PPP1R17: variants seen among roughly 807,000 people sequenced by gnomAD.
The protein encoded by PPP1R17 is G-substrate.
A neutral mutation model predicts 15.9 loss-of-function variants in PPP1R17; 12 were observed. That is an observed-to-expected ratio of 0.75 (90% CI 0.48 to 1.22). The LOEUF (loss-of-function observed/expected upper bound fraction) is 1.22, where lower values mean the gene tolerates loss of function less well. Among genes scored for constraint, PPP1R17 ranks in the 50% most tolerant of loss-of-function variants. The pLI is 0.00. For missense variants in PPP1R17, 211 were observed against 187.3 expected (o/e 1.13, Z -0.74); for synonymous variants, 63 against 64.5 (o/e 0.98, Z 0.11).
intron 4 of PPP1R17, among the ~76,000 whole-genome samples, chr7:31,705,147 A>C (rs1046861644): frequency 2.0e-5 from 3 of 152,200 alleles, no homozygotes; most frequent in African/African-American, 7.2e-5. Flanking sequence ...TACTTTGAGA[A>C]GGGCTGGCTG....
chr7:31,701,813 A>T (rs1384775952), intron 4 of PPP1R17, among the ~76,000 whole-genome samples: 5 of 152,232 alleles, frequency 3.3e-5, no homozygotes, highest in African/African-American at 9.6e-5. Flanking sequence ...TTTAGCAATA[A>T]AGTATTTTTA....
chr7:31,696,447 T>G (rs1001937605), intron 3 of PPP1R17, among the ~76,000 whole-genome samples: 1 of 152,204 alleles, frequency 6.6e-6, no homozygotes, highest in Non-Finnish European at 1.5e-5. Context: ...GTGGAAAATT[T>G]TATGCAAGAG....
intron 4 of PPP1R17, among the ~76,000 whole-genome samples, chr7:31,704,854 A>G (rs1335128500): frequency 1.3e-5 from 2 of 152,156 alleles, no homozygotes; most frequent in Non-Finnish European, 2.9e-5. Context: ...TTCCCCTGAA[A>G]GCATGAGGGT....
At position 31,695,485 on chromosome 7, in the gene PPP1R17, G is replaced by C. The variant is rs1562697793; in HGVS notation, c.99G>C (p.Gln33His). 1 of 1,608,952 alleles carries C rather than the reference G, an allele frequency of 6.2e-7. No homozygotes were observed. The highest frequency in any genetic ancestry group is 8.5e-7 in the Non-Finnish European group (1 of 1,178,442). The change falls in exon 3 of 5, where the codon CAG becomes CAC. Residue 33 changes from glutamine to histidine, a missense_variant. Gln to His is a conservative substitution (Grantham distance 24). Transcript: ENST00000342032. ...CAAAATTAGATGATCTTTCAGACCA[G>C]TTCATTAAGGACTGTGATCTCAAAA... ...RCSHLDDLSD[Q>H]FIKDCDLKKK...
chr7:31,689,128 C>T (rs1311910348), intron 1 of PPP1R17, among the ~76,000 whole-genome samples: 3 of 152,146 alleles, frequency 2.0e-5, no homozygotes, highest in Non-Finnish European at 4.4e-5. Context: ...ACGTTTGACT[C>T]CAGGCTTGTC....
Position 31,707,623 on chromosome 7 carries a change from G to T in PPP1R17, c.*340G>T. 4.5e-6 allele frequency: 1 copy of T among 223,594 alleles called. No homozygotes were observed. 13.9% of individuals were successfully genotyped at this position (223,594 alleles called of 1,614,324 possible). ...CGGAACAGAGATCGTGGATTACATG[G>T]GCTCCTTCTTGGTTTTTGCTGCTGG... On this transcript the variant is annotated 3_prime_UTR_variant, in exon 5 of 5. Transcript: ENST00000342032.
intron 1 of PPP1R17, among the ~76,000 whole-genome samples, chr7:31,691,539 C>T (rs1792341937): frequency 6.6e-6 from 1 of 151,956 alleles, no homozygotes; most frequent in South Asian, 2.1e-4. Flanking sequence ...TCCTTCAGAC[C>T]TGACACATAT....
intron 4 of PPP1R17, 73 bp from the exon 5 acceptor site, chr7:31,707,131 T>C: frequency 7.1e-7 from 1 of 1,399,096 alleles, no homozygotes; most frequent in Non-Finnish European, 1.0e-6. Context: ...TCCTTTGTAC[T>C]GTGTCTGTCT....
rs1376179157 is a variant in PPP1R17, at chr7:31,695,707, T to A, written c.235+86T>A. 4 of 1,390,384 alleles carry A rather than the reference T, an allele frequency of 2.9e-6. No homozygotes were observed. The East Asian group carries it at 9.4e-5, about 33-fold the overall frequency. 86.1% of individuals were successfully genotyped at this position (1,390,384 alleles called of 1,614,324 possible). On this transcript the variant is annotated intron_variant, in intron 3 of 4. Coordinates refer to ENST00000342032, the MANE Select transcript of PPP1R17 (RefSeq NM_006658.5). ...GTTCGTACACATTTTTCCTTAAATATTCAGGTATTTTAAAGTAATTTGTGC... is the reference window on the plus strand; with the variant it reads ...GTTCGTACACATTTTTCCTTAAATAATCAGGTATTTTAAAGTAATTTGTGC...
In PPP1R17 at chr7:31,695,518, T is replaced by C. The variant is rs761291845; in HGVS notation, c.132T>C (p.Pro44=). ...AGGACTGTGATCTCAAAAAGAAGCC[T>C]AGAAAGGGAAAAAATGTACAGGCCA... ...FIKDCDLKKK[P]RKGKNVQATL... Residue 44 remains proline (P), a synonymous_variant, in exon 3 of 5, where the codon CCT becomes CCC. Coordinates refer to ENST00000342032, the MANE Select transcript of PPP1R17 (RefSeq NM_006658.5). 6.8e-6 allele frequency: 11 copies of C among 1,613,296 alleles called. No individual in the cohort carries two copies. In the Admixed American group the frequency reaches 1.5e-4, roughly 22 times the overall value.
chr7:31,688,737 A>C (rs553525410), intron 1 of PPP1R17, among the ~76,000 whole-genome samples: 7 of 152,234 alleles, frequency 4.6e-5, no homozygotes, highest in African/African-American at 1.7e-4. Flanking sequence ...AGAGGAAGTT[A>C]CAAGAGTTTA....
At chr7:31,696,735 T>C (rs1562698957) in intron 3 of PPP1R17, among the ~76,000 whole-genome samples, 1 of 152,192 alleles carries the variant, frequency 6.6e-6, no homozygotes, top group African/African-American at 2.4e-5. Context: ...CCTCAGGGTT[T>C]TAGTGAAGCT....
At chr7:31,703,763 A>C (rs1792952438) in intron 4 of PPP1R17, among the ~76,000 whole-genome samples, 1 of 152,190 alleles carries the variant, frequency 6.6e-6, no homozygotes, top group South Asian at 2.1e-4. Flanking sequence ...AGCCCTTGGC[A>C]AGTGAAAACT....
chr7:31,706,522 C>T (rs1793077468), intron 4 of PPP1R17, among the ~76,000 whole-genome samples: 1 of 152,170 alleles, frequency 6.6e-6, no homozygotes, highest in Non-Finnish European at 1.5e-5. Flanking sequence ...AGTACACTTT[C>T]CTTATTTTCT....
chr7:31,693,610 A>G (rs376717506), intron 2 of PPP1R17, among the ~76,000 whole-genome samples: 1 of 152,196 alleles, frequency 6.6e-6, no homozygotes, highest in East Asian at 1.9e-4. Context: ...ATGAGATCAT[A>G]TGTTCAGGGA....
intron 2 of PPP1R17, among the ~76,000 whole-genome samples, chr7:31,694,998 A>G (rs1216611273): frequency 6.6e-6 from 1 of 152,212 alleles, no homozygotes; most frequent in East Asian, 1.9e-4. Context: ...GACTGGCACA[A>G]TGATGAAGGC....
chr7:31,705,956 G>C (rs1249371251), intron 4 of PPP1R17, among the ~76,000 whole-genome samples: 2 of 134,168 alleles, frequency 1.5e-5, no homozygotes, highest in Non-Finnish European at 3.1e-5. Flanking sequence ...AGAAAATTGT[G>C]CTCAGACTTC....
chr7:31,704,726 T>C (rs1377331239), intron 4 of PPP1R17, among the ~76,000 whole-genome samples: 1 of 152,206 alleles, frequency 6.6e-6, no homozygotes, highest in Non-Finnish European at 1.5e-5. Context: ...TCTCCAATTT[T>C]ACGGGTGAAT....
At chr7:31,706,502 T>C (rs145914094) in intron 4 of PPP1R17, among the ~76,000 whole-genome samples, 13 of 152,180 alleles carry the variant, frequency 8.5e-5, no homozygotes, top group Non-Finnish European at 1.5e-4. Flanking sequence ...TACAGTTGTA[T>C]GAAAAGCTCA....
Sources: allele counts gnomAD v4.1 joint callset (sites outside exome capture counted in the v4.1 genomes callset), GRCh38; gene constraint gnomAD v4.1.1; transcripts MANE v1.5; gene names NCBI Gene and HGNC (gene_info 2026-07-23, HGNC 2026-07-21).